UBAP2: variants seen among roughly 807,000 people sequenced by gnomAD.
The protein encoded by UBAP2 is ubiquitin associated protein 2, also known as ubiquitin-associated protein 2.
Under a neutral mutation model 139.6 loss-of-function variants are expected in UBAP2, and 75 were observed. The ratio of observed to expected loss-of-function variants is 0.54; its 90% confidence interval spans 0.45 to 0.65. The LOEUF is 0.65. Ranked by LOEUF, UBAP2 falls within the 30% of genes least tolerant of loss-of-function variation. The probability of loss-of-function intolerance (pLI) is 0.00; values close to 1 mark genes in which losing one functional copy is unlikely to be tolerated. For synonymous variants in UBAP2, 526 were observed against 526.2 expected (o/e 1.00, Z 0.01); for missense variants, 1,368 against 1,369.6 (o/e 1.00, Z 0.02).
chr9:33,931,008 C>T (rs956990352), intron 19 of UBAP2, among the ~76,000 whole-genome samples: 6 of 151,678 alleles, frequency 4.0e-5, no homozygotes, highest in Non-Finnish European at 8.8e-5. Flanking sequence ...AAGGGTAGAG[C>T]CAAGTAGATG....
chr9:34,044,996 T>C (rs937586507), intron 1 of UBAP2, among the ~76,000 whole-genome samples: 1 of 29,934 alleles, frequency 3.3e-5, no homozygotes, highest in Non-Finnish European at 7.5e-5. Flanking sequence ...AATTATGCTA[T>C]GTCCAGCATG....
At chr9:34,027,022 A>G (rs922442498) in intron 1 of UBAP2, among the ~76,000 whole-genome samples, 2 of 152,012 alleles carry the variant, frequency 1.3e-5, no homozygotes, top group African/African-American at 4.8e-5. Context: ...TCAGATACCC[A>G]TATGTTCTAT....
In UBAP2 at chr9:33,933,561, G is replaced by C; in HGVS notation, c.2037C>G (p.Cys679Trp). 2 of 1,614,044 alleles carry C rather than the reference G, an allele frequency of 1.2e-6. No homozygotes were observed. The highest frequency in any genetic ancestry group is 1.7e-6 in the Non-Finnish European group (2 of 1,180,014). Residue 679 changes from cysteine (C) to tryptophan (W), a missense_variant, in exon 18 of 29, where the codon TGC (cysteine) becomes TGG (tryptophan). Cys to Trp is a radical substitution (Grantham distance 215, BLOSUM62 -2). Transcript: ENST00000379238. ...SVSSLPSTTS[C>W]TALLPSTSQH... ...GGGATGTGGACGGCAGAAGTGCAGT[G>C]CAGGAGGTGGTGCTGGGCAGGGAGC...
At chr9:34,002,820 C>G (rs926074515) in intron 2 of UBAP2, among the ~76,000 whole-genome samples, 1 of 151,804 alleles carries the variant, frequency 6.6e-6, no homozygotes, top group African/African-American at 2.4e-5. Flanking sequence ...CCCCCAATAG[C>G]TGGGAATACA....
In UBAP2 at chr9:33,922,490, C is replaced by T; in HGVS notation, c.*14G>A. ...AGGATAAGCCTTGCCCCAGCCCACC[C>T]CTCTCTTCTGGGTTTAGTTTGTCCA... On this transcript the variant is annotated 3_prime_UTR_variant, in exon 29 of 29. Coordinates refer to ENST00000379238, the MANE Select transcript of UBAP2 (RefSeq NM_001370062.2). 6.2e-7 allele frequency: 1 copy of T among 1,612,384 alleles called. No individual in the cohort carries two copies. Among genetic ancestry groups the T allele is most frequent in the Non-Finnish European group, 8.5e-7 (1 of 1,179,200 alleles).
At chr9:33,999,285 C>A (rs1822479213) in intron 2 of UBAP2, among the ~76,000 whole-genome samples, 2 of 141,362 alleles carry the variant, frequency 1.4e-5, no homozygotes, top group South Asian at 2.2e-4. Context: ...GCCTGGGCAA[C>A]ATAGAGAGAC....
intron 10 of UBAP2, 117 bp downstream of exon 10, chr9:33,960,704 TGGGAG>T (rs899685770): frequency 2.0e-4 from 176 of 862,362 alleles, no homozygotes; most frequent in Non-Finnish European, 2.8e-4. Flanking sequence ...TGCTTGAATC[TGGGAG>T]GCAGAGGTTG....
At chr9:33,974,939 AG>A (rs1261105236) in intron 6 of UBAP2, among the ~76,000 whole-genome samples, 12 of 41,972 alleles carry the variant, frequency 2.9e-4, no homozygotes, top group Non-Finnish European at 4.2e-4. Flanking sequence ...CTAAAAAAAA[AG>A]GGGGGGGTGC....
chr9:34,021,783 G>C (rs971523167), intron 1 of UBAP2, among the ~76,000 whole-genome samples: 2 of 152,000 alleles, frequency 1.3e-5, no homozygotes, highest in African/African-American at 4.8e-5. Context: ...ACAGACGCCT[G>C]CCACCACGCC....
Position 33,993,647 on chromosome 9 carries a change from C to T in UBAP2, c.288+2576G>A, listed in dbSNP as rs577109044. Among the ~76,000 whole-genome samples, 22 of 152,304 alleles carry T rather than the reference C, an allele frequency of 1.4e-4. 1 individual carries two copies. In the South Asian group the frequency reaches 3.9e-3, roughly 27 times the overall value. ...CACCACTGCACTCTAGCCTGGGCAA[C>T]GGAGTGAGACCCTGTCTTAATAAAA... On this transcript the variant is annotated intron_variant, in intron 4 of 28. Transcript: ENST00000379238.
At chr9:33,951,240 T>TA (rs1167842603) in intron 12 of UBAP2, among the ~76,000 whole-genome samples, 1 of 151,678 alleles carries the variant, frequency 6.6e-6, no homozygotes, top group African/African-American at 2.4e-5. Flanking sequence ...TGGTCTCAAA[T>TA]TCCTGGCATC....
chr9:33,975,703 G>A (rs1274361348), intron 6 of UBAP2, among the ~76,000 whole-genome samples: 3 of 151,706 alleles, frequency 2.0e-5, no homozygotes, highest in Admixed American at 6.6e-5. Context: ...CTACTCGGGA[G>A]GCTGAGGCAG....
intron 12 of UBAP2, among the ~76,000 whole-genome samples, chr9:33,951,574 T>C (rs1199744433): frequency 6.6e-6 from 1 of 151,930 alleles, no homozygotes; most frequent in Non-Finnish European, 1.5e-5. Context: ...CTCAAACTCC[T>C]GACCTCAGGT....
chr9:34,033,262 A>G (rs1330000766), intron 1 of UBAP2, among the ~76,000 whole-genome samples: 1 of 152,212 alleles, frequency 6.6e-6, no homozygotes, highest in Non-Finnish European at 1.5e-5. Context: ...CTTATACACA[A>G]CAGAGTACTA....
At chr9:33,923,730 C>T (rs1564013256) in intron 24 of UBAP2, 65 bp downstream of exon 24, 1 of 1,525,096 alleles carries the variant, frequency 6.6e-7, no homozygotes, top group Non-Finnish European at 9.1e-7. Flanking sequence ...GAAGATAGGT[C>T]CCAGGTTTCC....
chr9:33,969,776 G>C lies in UBAP2; in HGVS notation c.679+1875C>G, dbSNP rs374964870. On this transcript the variant is annotated intron_variant, in intron 8 of 28. Transcript: ENST00000379238. ...AGCTACTCAGGACACTGAAGCAAGAGAATCGCTTGAACCTGGGAGGTGGAG... is the reference window on the plus strand; with the variant it reads ...AGCTACTCAGGACACTGAAGCAAGACAATCGCTTGAACCTGGGAGGTGGAG... 4.4e-4 allele frequency among the ~76,000 whole-genome samples: 67 copies of C among 151,464 alleles called. No homozygotes were observed. In the South Asian group the frequency reaches 5.7e-3, roughly 13 times the overall value.
rs537354212 is a variant in UBAP2, at chr9:33,957,526, G to A, written c.799-1380C>T. 1.3e-4 allele frequency among the ~76,000 whole-genome samples: 20 copies of A among 152,166 alleles called. No individual in the cohort carries two copies. In the South Asian group the frequency reaches 3.5e-3, roughly 27 times the overall value. ...TAAAAGTATCCAAACCTTTATTCCT[G>A]GCTTCTTTCACTCAGCATAATTATT... On this transcript the variant is annotated intron_variant, in intron 10 of 28. Coordinates refer to ENST00000379238, the MANE Select transcript of UBAP2 (RefSeq NM_001370062.2).
chr9:34,006,397 TAGTC>T (rs1823221908), intron 2 of UBAP2, among the ~76,000 whole-genome samples: 2 of 152,114 alleles, frequency 1.3e-5, no homozygotes, highest in African/African-American at 2.4e-5. Flanking sequence ...ATATTTAAGA[TAGTC>T]AGGTACAGCA....
At chr9:34,036,364 G>A (rs1365074202) in intron 1 of UBAP2, among the ~76,000 whole-genome samples, 1 of 152,046 alleles carries the variant, frequency 6.6e-6, no homozygotes, top group Non-Finnish European at 1.5e-5. Flanking sequence ...TGATCTGCCC[G>A]TCTCGGCCTC....
Sources: allele counts gnomAD v4.1 joint callset (sites outside exome capture counted in the v4.1 genomes callset), GRCh38; gene constraint gnomAD v4.1.1; transcripts MANE v1.5; gene names NCBI Gene and HGNC (gene_info 2026-07-23, HGNC 2026-07-21).